Variants in WDR33 observed in about 807,000 individuals in gnomAD.
WDR33 encodes the protein WD repeat domain 33.
A neutral mutation model predicts 164.9 loss-of-function variants in WDR33; 47 were observed. The observed-to-expected ratio is 0.29, with a 90% CI of 0.23 to 0.36. The LOEUF (loss-of-function observed/expected upper bound fraction) is 0.36, where lower values mean the gene tolerates loss of function less well. WDR33 is among the 10% of genes least tolerant of loss of function. The pLI is 1.00. For synonymous variants in WDR33, 505 were observed against 589.0 expected (o/e 0.86, Z 2.06); for missense variants, 1,137 against 1,754.1 (o/e 0.65, Z 6.28).
chr2:127,768,966 C>G lies in WDR33; in HGVS notation c.240G>C (p.Arg80=), dbSNP rs1315456330. The change falls in exon 3 of 22, where the codon CGG becomes CGC. Residue 80 remains arginine, a synonymous_variant. Transcript: ENST00000322313. ...AATAACCTGCATCAGGCTGAATTGC[C>G]CGCATATCTCTCTGGTCTCTTTGCC... The part of the protein sequence containing the change: ...RIWQRDQRDM[R]AIQPDAGYYN... 2.5e-6 allele frequency: 4 copies of G among 1,586,652 alleles called. No homozygotes were observed. Among genetic ancestry groups the G allele is most frequent in the Non-Finnish European group, 3.4e-6 (4 of 1,167,854 alleles).
In WDR33 at chr2:127,717,103, G is replaced by C. The variant is rs1207727680; in HGVS notation, c.2869+52C>G. 3.9e-6 allele frequency: 6 copies of C among 1,524,988 alleles called. No individual in the cohort carries two copies. Among genetic ancestry groups the C allele is most frequent in the Non-Finnish European group, 5.4e-6 (6 of 1,121,234 alleles). 94.5% of individuals were successfully genotyped at this position (1,524,988 alleles called of 1,614,324 possible). ...CCAACAAAATTATTCACTGTAAAAT[G>C]TGCACAAAGGTGGTAGAATATAATC... On this transcript the variant is annotated intron_variant, in intron 17 of 21. Coordinates refer to ENST00000322313, the MANE Select transcript of WDR33 (RefSeq NM_018383.5). The surrounding 1 kb of genome is among the most constrained non-coding windows in gnomAD (Gnocchi z 5.6).
intron 1 of WDR33, among the ~76,000 whole-genome samples, chr2:127,807,000 G>T (rs1369425663): frequency 6.6e-6 from 1 of 151,666 alleles, no homozygotes; most frequent in African/African-American, 2.4e-5. Context: ...CACCTTTGCT[G>T]CATGTTTGAA....
chr2:127,723,690 G>A lies in WDR33; in HGVS notation c.1197-343C>T. On this transcript the variant is annotated intron_variant, in intron 11 of 21. Coordinates refer to ENST00000322313, the MANE Select transcript of WDR33 (RefSeq NM_018383.5). The surrounding 1 kb of genome is among the most constrained non-coding windows in gnomAD (Gnocchi z 5.9). ...GCGGGAAGATGGCTTGAGCCCAGGA[G>A]TTTGAGGCTACAGTGAGCTGTGATC... is the stretch of plus-strand genomic sequence containing the variant. Among the ~76,000 whole-genome samples, 1 of 151,854 alleles carries A rather than the reference G, an allele frequency of 6.6e-6. No homozygotes were observed. Among genetic ancestry groups the A allele is most frequent in the Non-Finnish European group, 1.5e-5 (1 of 67,998 alleles).
intron 7 of WDR33, among the ~76,000 whole-genome samples, chr2:127,729,790 C>A (rs993466522): frequency 3.9e-5 from 6 of 152,170 alleles, no homozygotes; most frequent in Admixed American, 1.3e-4. Context: ...CCACTGCACC[C>A]GGCCAACTAT....
chr2:127,747,287 C>T (rs901725743), intron 7 of WDR33, among the ~76,000 whole-genome samples: 6 of 151,996 alleles, frequency 3.9e-5, no homozygotes, highest in African/African-American at 1.4e-4. Context: ...AAATAAAATA[C>T]AAACAACAGT....
intron 1 of WDR33, among the ~76,000 whole-genome samples, chr2:127,778,471 AAAAC>A: frequency 6.6e-6 from 1 of 151,576 alleles, no homozygotes; most frequent in South Asian, 2.1e-4. Flanking sequence ...GAAACAAACA[AAAAC>A]AAAAAAACTG....
chr2:127,706,732 C>G lies in WDR33; in HGVS notation c.3782-180G>C, dbSNP rs1573872359. On this transcript the variant is annotated intron_variant, in intron 21 of 21. Transcript: ENST00000322313. This position sits in a 1 kb window ranked among gnomAD's most constrained non-coding sequence, Gnocchi z 5.1. ...CTACCCTTTCCTGACCCTGCCTCCC[C>G]CTTCCTGGCTCATGGCCATGGGCCT... 6.6e-6 allele frequency among the ~76,000 whole-genome samples: 1 copy of G among 152,204 alleles called. No individual in the cohort carries two copies. Among genetic ancestry groups the G allele is most frequent in the Non-Finnish European group, 1.5e-5 (1 of 68,044 alleles).
chr2:127,800,959 T>C (rs140388135), intron 1 of WDR33, among the ~76,000 whole-genome samples: 1 of 152,032 alleles, frequency 6.6e-6, no homozygotes, highest in Non-Finnish European at 1.5e-5. Context: ...GGAATATTAC[T>C]ATTATTGGGC....
chr2:127,711,780 A>ATATTTTTT, intron 18 of WDR33, among the ~76,000 whole-genome samples: 9 of 88,316 alleles, frequency 1.0e-4, no homozygotes, highest in African/African-American at 5.8e-4. Context: ...ATATATATAT[A>ATATTTTTT]TTTTTTTTTT....
At chr2:127,727,817 C>A (rs1686607830) in intron 7 of WDR33, among the ~76,000 whole-genome samples, 2 of 152,114 alleles carry the variant, frequency 1.3e-5, no homozygotes, top group African/African-American at 4.8e-5. Flanking sequence ...TACCCTGGAT[C>A]AAATCCAGCT....
At position 127,770,548 on chromosome 2, in the gene WDR33, G is replaced by A. The variant is rs370557524; in HGVS notation, c.204+230C>T. Among the ~76,000 whole-genome samples, 11 of 152,062 alleles carry A rather than the reference G, an allele frequency of 7.2e-5. No homozygotes were observed. Among genetic ancestry groups the A allele is most frequent in the East Asian group, 1.9e-4 (1 of 5,172 alleles). On this transcript the variant is annotated intron_variant, in intron 2 of 21. Transcript: ENST00000322313. The surrounding 1 kb of genome is among the most constrained non-coding windows in gnomAD (Gnocchi z 4.9). The stretch of plus-strand genomic sequence containing the variant: ...TCTACTAAAACTACAAAAATTAGCC[G>A]GGCATGGTAGCAGGTGCCTATAATC...
At chr2:127,799,139 G>A (rs964815319) in intron 1 of WDR33, 3 of 152,182 alleles carry the variant, frequency 2.0e-5, no homozygotes, top group South Asian at 2.1e-4. Context: ...TTAACCAATT[G>A]CCAACTGCAT....
intron 9 of WDR33, 40 bp downstream of exon 9, chr2:127,725,021 G>C (rs1185490100): frequency 6.2e-7 from 1 of 1,613,968 alleles, no homozygotes; most frequent in African/African-American, 1.3e-5. Context: ...GAATGTTACA[G>C]GTAACAGTGG....
In WDR33 at chr2:127,708,117, T is replaced by C. The variant is rs957698268; in HGVS notation, c.3781+560A>G. 1.3e-5 allele frequency among the ~76,000 whole-genome samples: 2 copies of C among 152,168 alleles called. No individual in the cohort carries two copies. Among genetic ancestry groups the C allele is most frequent in the African/African-American group, 2.4e-5 (1 of 41,452 alleles). On this transcript the variant is annotated intron_variant, in intron 21 of 21. Transcript: ENST00000322313. This position sits in a 1 kb window ranked among gnomAD's most constrained non-coding sequence, Gnocchi z 6.7. ...CCGCTGCCTTGCAACCAGAGTTGTA[T>C]AGTCAGCCTTCAGAGGCAACTACTC...
At chr2:127,743,851 TGACA>T (rs1447708680) in intron 7 of WDR33, among the ~76,000 whole-genome samples, 1 of 152,202 alleles carries the variant, frequency 6.6e-6, no homozygotes, top group East Asian at 1.9e-4. Context: ...TCACCTTTGA[TGACA>T]GAAAGAGGCA....
chr2:127,750,492 C>CA (rs1687293044), intron 7 of WDR33, among the ~76,000 whole-genome samples: 1 of 149,220 alleles, frequency 6.7e-6, no homozygotes, highest in South Asian at 2.1e-4. Context: ...ACTTAAAATA[C>CA]AAAAATTAGC....
rs867232710 is a variant in WDR33, at chr2:127,701,878, C to T, written c.*4445G>A. The T allele has an allele frequency of 6.9e-7, 1 of 1,457,930 alleles. No individual in the cohort carries two copies. The highest frequency in any genetic ancestry group is 1.3e-5 in the South Asian group (1 of 77,510). The allele number at this position is 1,457,930 out of a possible 1,614,324, so 90.3% of individuals were successfully genotyped here. On this transcript the variant is annotated 3_prime_UTR_variant, in exon 22 of 22. Transcript: ENST00000322313. ...GCGCTGCTCTGGTCACTGGGCTCGG[C>T]GCTGGCGTTGGCGGGAAGCGCGCTG...
At chr2:127,789,892 G>C (rs541926765) in intron 1 of WDR33, among the ~76,000 whole-genome samples, 32 of 152,256 alleles carry the variant, frequency 2.1e-4, no homozygotes, top group African/African-American at 7.5e-4. Flanking sequence ...CTGGAGTGCA[G>C]TGGTGTGATC....
chr2:127,809,049 A>AAAAG (rs1689543382), intron 1 of WDR33, among the ~76,000 whole-genome samples: 1 of 151,678 alleles, frequency 6.6e-6, no homozygotes, highest in South Asian at 2.1e-4. Flanking sequence ...AAAAAAAAAA[A>AAAAG]AAAAGAATTC....
Sources: allele counts gnomAD v4.1 joint callset (sites outside exome capture counted in the v4.1 genomes callset), GRCh38; gene constraint gnomAD v4.1.1; non-coding constraint Gnocchi (gnomAD v3.1); transcripts MANE v1.5; gene names NCBI Gene and HGNC (gene_info 2026-07-23, HGNC 2026-07-21).